CNTN6: variants seen among roughly 807,000 people sequenced by gnomAD.
The protein encoded by CNTN6 is contactin-6.
A neutral mutation model predicts 122.8 loss-of-function variants in CNTN6; 137 were observed. That is an observed-to-expected ratio of 1.12 (90% CI 0.97 to 1.29). The LOEUF is 1.29. Ranked by LOEUF, CNTN6 falls within the 50% of genes most tolerant of loss-of-function variation. The probability of loss-of-function intolerance (pLI) is 0.00; values close to 1 mark genes in which losing one functional copy is unlikely to be tolerated. For missense variants in CNTN6, 1,634 were observed against 1,223.4 expected (o/e 1.34, Z -5.01); for synonymous variants, 570 against 426.0 (o/e 1.34, Z -4.16).
intron 1 of CNTN6, among the ~76,000 whole-genome samples, chr3:1,103,184 A>T (rs1223352491): frequency 6.6e-6 from 1 of 152,238 alleles, no homozygotes; most frequent in Non-Finnish European, 1.5e-5. Flanking sequence ...TAGACTTGAT[A>T]GAACACACTT....
intron 17 of CNTN6, among the ~76,000 whole-genome samples, chr3:1,382,618 T>G (rs752983864): frequency 6.6e-6 from 1 of 152,220 alleles, no homozygotes; most frequent in African/African-American, 2.4e-5. Context: ...AAAATTCATA[T>G]CAAACCACAT....
intron 5 of CNTN6, 120 bp from the exon 6 acceptor site, chr3:1,295,481 A>G: frequency 1.3e-6 from 1 of 750,250 alleles, no homozygotes; most frequent in Admixed American, 2.5e-5. Flanking sequence ...TCAACTGAGC[A>G]AATAGAGGCA....
At chr3:1,311,604 G>A (rs964269916) in intron 7 of CNTN6, among the ~76,000 whole-genome samples, 2 of 149,110 alleles carry the variant, frequency 1.3e-5, no homozygotes, top group African/African-American at 4.9e-5. Context: ...GTTTGAAAAA[G>A]TCAGATATAC....
intron 11 of CNTN6, among the ~76,000 whole-genome samples, chr3:1,350,946 A>G (rs986091273): frequency 2.0e-4 from 30 of 152,068 alleles, no homozygotes; most frequent in Middle Eastern, 3.4e-3. Context: ...CAATAATGGC[A>G]TAATTCAATT....
chr3:1,261,851 G>C lies in CNTN6; in HGVS notation c.359-16562G>C, dbSNP rs1004990188. On this transcript the variant is annotated intron_variant, in intron 4 of 22. Coordinates refer to ENST00000446702, the MANE Select transcript of CNTN6 (RefSeq NM_001289080.2). Reference sequence around the variant, plus strand: ...TAATTTAAAAGGTCACATGTAATAAGACAAGAGGAGGTGTAAAAGTTCAGA... The same window carrying C: ...TAATTTAAAAGGTCACATGTAATAACACAAGAGGAGGTGTAAAAGTTCAGA... Among the ~76,000 whole-genome samples, 6 of 152,124 alleles carry C rather than the reference G, an allele frequency of 3.9e-5. No homozygotes were observed. In the East Asian group the frequency reaches 1.2e-3, roughly 29 times the overall value.
chr3:1,123,922 G>C (rs1243918907), intron 1 of CNTN6, among the ~76,000 whole-genome samples: 1 of 151,920 alleles, frequency 6.6e-6, no homozygotes, highest in African/African-American at 2.4e-5. Context: ...ATGATTTTCT[G>C]TGCATTAATT....
intron 1 of CNTN6, among the ~76,000 whole-genome samples, chr3:1,104,760 T>G (rs2091136334): frequency 6.6e-6 from 1 of 152,096 alleles, no homozygotes; most frequent in South Asian, 2.1e-4. Context: ...CGTGTGTGCG[T>G]GTGTGTGCAT....
chr3:1,321,520 G>A, intron 7 of CNTN6, 130 bp from the exon 8 acceptor site: 1 of 822,708 alleles, frequency 1.2e-6, no homozygotes, highest in Non-Finnish European at 1.9e-6. Context: ...TGCATGATCT[G>A]AAAACTAGTC....
At chr3:1,134,983 T>C (rs1439917035) in intron 1 of CNTN6, among the ~76,000 whole-genome samples, 2 of 152,042 alleles carry the variant, frequency 1.3e-5, no homozygotes, top group African/African-American at 4.8e-5. Context: ...CTCCTTTGGA[T>C]ACAATTTGCA....
At chr3:1,303,443 T>C (rs922038527) in intron 7 of CNTN6, among the ~76,000 whole-genome samples, 1 of 152,220 alleles carries the variant, frequency 6.6e-6, no homozygotes, top group East Asian at 1.9e-4. Flanking sequence ...TAATTACTGT[T>C]GGCTCTAGCT....
At chr3:1,388,884 G>A (rs368493460) in intron 20 of CNTN6, among the ~76,000 whole-genome samples, 9 of 135,760 alleles carry the variant, frequency 6.6e-5, no homozygotes, top group African/African-American at 1.7e-4. Flanking sequence ...AAAGAAACGA[G>A]CAAAGCCTCC....
intron 2 of CNTN6, among the ~76,000 whole-genome samples, chr3:1,185,764 T>A (rs9310392): frequency 0.011 from 1,630 of 152,266 alleles, 32 homozygotes; most frequent in African/African-American, 0.036. Context: ...AATTATTTAA[T>A]CCCTGTACCT....
rs1457889210 is a variant in CNTN6, at chr3:1,403,742, G to C, written c.*324G>C. The C allele has an allele frequency of 6.0e-6, 1 of 167,974 alleles. No individual in the cohort carries two copies. Among genetic ancestry groups the C allele is most frequent in the Non-Finnish European group, 1.3e-5 (1 of 79,174 alleles). 10.4% of individuals were successfully genotyped at this position (167,974 alleles called of 1,614,324 possible). A position where few individuals can be genotyped will look rare whatever the true frequency, so the allele number is the denominator to read the frequency against. On this transcript the variant is annotated 3_prime_UTR_variant, in exon 23 of 23. Coordinates refer to ENST00000446702, the MANE Select transcript of CNTN6 (RefSeq NM_001289080.2). ...TGATGCTGATGATGAATACAAACTT[G>C]GCTCCTAGTTACCATAACTCACATG... is the stretch of plus-strand genomic sequence containing the variant.
At chr3:1,216,646 A>G (rs1442200602) in intron 2 of CNTN6, among the ~76,000 whole-genome samples, 3 of 152,244 alleles carry the variant, frequency 2.0e-5, no homozygotes, top group East Asian at 3.8e-4. Flanking sequence ...AGAGTGGTGA[A>G]GTAAATTGTC....
intron 19 of CNTN6, among the ~76,000 whole-genome samples, chr3:1,384,533 C>T (rs929298246): frequency 2.0e-5 from 3 of 151,734 alleles, no homozygotes; most frequent in African/African-American, 4.8e-5. Context: ...GAGACAAGAA[C>T]ATTTTAAGGG....
intron 4 of CNTN6, among the ~76,000 whole-genome samples, chr3:1,271,684 G>C (rs1345508377): frequency 1.3e-5 from 2 of 152,176 alleles, no homozygotes; most frequent in Admixed American, 6.5e-5. Flanking sequence ...ATCAGAAACA[G>C]AGCCACTTCT....
chr3:1,387,976 G>A (rs560134835), intron 20 of CNTN6, among the ~76,000 whole-genome samples: 1 of 152,228 alleles, frequency 6.6e-6, no homozygotes, highest in Admixed American at 6.5e-5. Flanking sequence ...GCGGCAGCGA[G>A]GCTGGGGGAG....
At chr3:1,241,480 G>C (rs952293896) in intron 4 of CNTN6, among the ~76,000 whole-genome samples, 9 of 152,068 alleles carry the variant, frequency 5.9e-5, no homozygotes, top group African/African-American at 1.9e-4. Flanking sequence ...AATGATTGGT[G>C]ATGGCCTGGA....
At chr3:1,199,845 T>C (rs1268535634) in intron 2 of CNTN6, among the ~76,000 whole-genome samples, 2 of 152,172 alleles carry the variant, frequency 1.3e-5, no homozygotes, top group South Asian at 2.1e-4. Context: ...GCAAAAACTT[T>C]CTTAAACAGT....
Sources: gnomAD v4.1 joint callset for allele counts (sites outside exome capture counted in the v4.1 genomes callset) on GRCh38, gnomAD v4.1.1 for gene constraint, MANE v1.5 for transcripts, NCBI Gene and HGNC (gene_info 2026-07-23, HGNC 2026-07-21) for gene names.